The following ADAM32 variants were observed in gnomAD, a reference collection of about 807,000 sequenced individuals.
ADAM32 encodes the protein ADAM metallopeptidase domain 32, also known as disintegrin and metalloproteinase domain-containing protein 32.
A neutral mutation model predicts 114.9 loss-of-function variants in ADAM32; 89 were observed. The ratio of observed to expected loss-of-function variants is 0.77; its 90% CI spans 0.65 to 0.92. The LOEUF is 0.92. Ranked by LOEUF, ADAM32 falls within the 40% of genes least tolerant of loss-of-function variation. The pLI, the probability that ADAM32 is intolerant of heterozygous loss-of-function variation, is 0.00. For synonymous variants in ADAM32, 285 were observed against 307.5 expected (o/e 0.93, Z 0.77); for missense variants, 870 against 932.8 (o/e 0.93, Z 0.88).
Position 39,151,430 on chromosome 8 carries a change from C to A in ADAM32, c.407C>A (p.Ala136Glu). The change falls in exon 6 of 25, where the codon GCA (alanine) becomes GAA (glutamate). Residue 136 changes from alanine (A) to glutamate (E), a missense_variant. By Grantham distance (107) the Ala-to-Glu change is moderately radical. Coordinates refer to ENST00000379907, the MANE Select transcript of ADAM32 (RefSeq NM_145004.7). ...TATGGAATTGAGCCTCTGGAATCTGCAGTTGAATTTCAGCATGTTCTTTAC... is the reference window on the plus strand; with the variant it reads ...TATGGAATTGAGCCTCTGGAATCTGAAGTTGAATTTCAGCATGTTCTTTAC... ...VSYGIEPLESAVEFQHVLYKL... is the reference protein window; with the variant it reads ...VSYGIEPLESEVEFQHVLYKL... 2.5e-6 allele frequency: 4 copies of A among 1,603,180 alleles called. No individual in the cohort carries two copies. The highest frequency in any genetic ancestry group is 3.4e-6 in the Non-Finnish European group (4 of 1,176,440).
intron 16 of ADAM32, 50 bp from the exon 17 acceptor site, chr8:39,246,033 G>T: frequency 7.3e-7 from 1 of 1,362,212 alleles, no homozygotes; most frequent in South Asian, 1.2e-5. Flanking sequence ...ATGTTATGAT[G>T]ACTGTACCCC....
chr8:39,237,015 C>A (rs1810197129), intron 16 of ADAM32, among the ~76,000 whole-genome samples: 2 of 152,142 alleles, frequency 1.3e-5, no homozygotes, highest in Admixed American at 1.3e-4. Context: ...TCGTGAAACA[C>A]CCATAAAACT....
intron 4 of ADAM32, among the ~76,000 whole-genome samples, chr8:39,149,542 T>A (rs1294137365): frequency 6.6e-6 from 1 of 152,178 alleles, no homozygotes; most frequent in Non-Finnish European, 1.5e-5. Context: ...ACCTAAAACA[T>A]GAGACAACAT....
At chr8:39,113,831 G>A (rs1341217485) in intron 1 of ADAM32, among the ~76,000 whole-genome samples, 4 of 152,196 alleles carry the variant, frequency 2.6e-5, no homozygotes, top group East Asian at 1.9e-4. Context: ...ACAGTTGACA[G>A]CTTGAAGGGA....
intron 2 of ADAM32, among the ~76,000 whole-genome samples, chr8:39,132,406 C>A (rs779269373): frequency 2.6e-5 from 4 of 152,142 alleles, no homozygotes; most frequent in Non-Finnish European, 4.4e-5. Flanking sequence ...ATACTTATTT[C>A]TGGTAAAATA....
At chr8:39,283,173 C>T (rs557481734) in intron 23 of ADAM32, among the ~76,000 whole-genome samples, 54 of 151,892 alleles carry the variant, frequency 3.6e-4, no homozygotes, top group Admixed American at 3.2e-3. Flanking sequence ...TTTGGGAAGC[C>T]AAGGTGGGAG....
intron 3 of ADAM32, among the ~76,000 whole-genome samples, chr8:39,136,927 G>T (rs546398925): frequency 1.3e-5 from 2 of 152,260 alleles, no homozygotes; most frequent in African/African-American, 4.8e-5. Context: ...AAAAAACAGG[G>T]ACTTATCTCC....
intron 10 of ADAM32, among the ~76,000 whole-genome samples, chr8:39,173,263 A>G (rs1172400710): frequency 6.6e-6 from 1 of 152,204 alleles, no homozygotes; most frequent in Non-Finnish European, 1.5e-5. Context: ...TGTCTCAAAA[A>G]CAAACAAGCA....
intron 6 of ADAM32, among the ~76,000 whole-genome samples, chr8:39,154,112 C>G (rs1302635355): frequency 1.3e-5 from 2 of 151,268 alleles, no homozygotes; most frequent in Non-Finnish European, 2.9e-5. Flanking sequence ...CATAGGTACA[C>G]ACGTGCCATG....
intron 6 of ADAM32, among the ~76,000 whole-genome samples, chr8:39,155,980 T>A (rs1025167388): frequency 1.3e-5 from 2 of 152,188 alleles, no homozygotes; most frequent in African/African-American, 4.8e-5. Context: ...CTTCTTTATG[T>A]TTTTATTATC....
At chr8:39,252,569 G>A (rs1163846936) in intron 17 of ADAM32, among the ~76,000 whole-genome samples, 2 of 151,322 alleles carry the variant, frequency 1.3e-5, no homozygotes, top group Non-Finnish European at 3.0e-5. Flanking sequence ...GCAGTAGGAA[G>A]TTATGAAGAT....
intron 21 of ADAM32, among the ~76,000 whole-genome samples, chr8:39,275,479 C>CTA (rs1386925021): frequency 6.6e-6 from 1 of 152,194 alleles, no homozygotes; most frequent in Non-Finnish European, 1.5e-5. Context: ...GAATCACAAC[C>CTA]TACAGCAATG....
chr8:39,143,394 G>C (rs988079694), intron 3 of ADAM32, among the ~76,000 whole-genome samples: 3 of 152,110 alleles, frequency 2.0e-5, no homozygotes, highest in Non-Finnish European at 4.4e-5. Context: ...TGGGGTTTTG[G>C]TGTGGATGTC....
intron 10 of ADAM32, among the ~76,000 whole-genome samples, chr8:39,182,553 A>G (rs772543997): frequency 2.0e-5 from 3 of 152,158 alleles, no homozygotes; most frequent in Non-Finnish European, 4.4e-5. Context: ...CTCTCTTAGC[A>G]TTTTTCAAGA....
chr8:39,273,336 T>C (rs1357912923), intron 20 of ADAM32, among the ~76,000 whole-genome samples: 1 of 151,790 alleles, frequency 6.6e-6, no homozygotes, highest in Non-Finnish European at 1.5e-5. Context: ...TGAAACCCCG[T>C]CTCTACTAAA....
At chr8:39,139,280 G>C (rs1564468053) in intron 3 of ADAM32, among the ~76,000 whole-genome samples, 1 of 152,122 alleles carries the variant, frequency 6.6e-6, no homozygotes, top group Non-Finnish European at 1.5e-5. Context: ...TATTGCCTAG[G>C]TTTTCTTCTA....
intron 11 of ADAM32, among the ~76,000 whole-genome samples, chr8:39,195,693 A>G (rs1344332516): frequency 6.6e-6 from 1 of 152,164 alleles, no homozygotes; most frequent in East Asian, 1.9e-4. Context: ...GTATCTATGA[A>G]GAAAATCAGT....
chr8:39,259,293 G>A (rs186295524), intron 19 of ADAM32, among the ~76,000 whole-genome samples: 100 of 151,876 alleles, frequency 6.6e-4, no homozygotes, highest in South Asian at 5.4e-3. Flanking sequence ...TTAGCTCGCC[G>A]GGTTCAAGTG....
At chr8:39,113,761 A>G (rs1307964315) in intron 1 of ADAM32, among the ~76,000 whole-genome samples, 1 of 152,118 alleles carries the variant, frequency 6.6e-6, no homozygotes, top group Non-Finnish European at 1.5e-5. Flanking sequence ...ATGCAACTTG[A>G]CCAGCATGAT....
Sources: gnomAD v4.1 joint callset for allele counts (sites outside exome capture counted in the v4.1 genomes callset) on GRCh38, gnomAD v4.1.1 for gene constraint, MANE v1.5 for transcripts, NCBI Gene and HGNC (gene_info 2026-07-23, HGNC 2026-07-21) for gene names.